Variants in USP36 observed in about 807,000 individuals in gnomAD.
USP36 encodes the protein ubiquitin specific peptidase 36, also known as ubiquitin carboxyl-terminal hydrolase 36.
Under a neutral mutation model 111.5 loss-of-function variants are expected in USP36, and 59 were observed. The observed-to-expected ratio is 0.53, with a 90% CI of 0.43 to 0.66. The LOEUF (loss-of-function observed/expected upper bound fraction) is 0.66. Among genes scored for constraint, USP36 ranks in the 30% least tolerant of loss-of-function variants. The pLI is 0.00. For synonymous variants in USP36, 628 were observed against 581.0 expected, an observed-to-expected ratio of 1.08 and a Z score of -1.16; for missense variants, 1,488 against 1,468.0, an observed-to-expected ratio of 1.01 and a Z score of -0.22.
intron 14 of USP36, among the ~76,000 whole-genome samples, chr17:78,806,615 C>A (rs2093909073): frequency 6.6e-6 from 1 of 152,196 alleles, no homozygotes; most frequent in Admixed American, 6.5e-5. Context: ...TTCCTGCCCG[C>A]CCCACCCCTG....
upstream of USP36, chr17:78,841,260 C>T (rs1393979501): frequency 2.0e-5 from 3 of 152,376 alleles, no homozygotes; most frequent in East Asian, 3.9e-4. Context: ...GGCTCCCCCA[C>T]CTGCCCCTGG....
In USP36 at chr17:78,798,531, A is replaced by G. The variant is rs369584125; in HGVS notation, c.3261T>C (p.Phe1087=). The G allele has an allele frequency of 6.2e-7, 1 of 1,613,930 alleles. No homozygotes were observed. Among genetic ancestry groups the G allele is most frequent in the South Asian group, 1.1e-5 (1 of 91,026 alleles). ...DRGKEKKIKK[F]KREKRRNFNA... is the part of the protein sequence containing the mutation. ...TGAAGTTTCTCCTCTTCTCTCTCTT[A>G]AATTTTTTAATTTTCTTTTCCTAGA... is the stretch of plus-strand genomic sequence containing the variant. The change falls in exon 20 of 21, where the codon TTT becomes TTC. Residue 1087 remains phenylalanine, a synonymous_variant. Transcript: ENST00000449938. The surrounding 1 kb of genome is among the most constrained non-coding windows in gnomAD (Gnocchi z 5.1).
At chr17:78,804,071 TAAAAATCTGA>T in intron 15 of USP36, 93 bp from the exon 16 acceptor site, 1 of 940,764 alleles carries the variant, frequency 1.1e-6, no homozygotes, top group Non-Finnish European at 1.6e-6. Context: ...CCCTTTCACC[TAAAAATCTGA>T]AAAGGCTTTT....
intron 2 of USP36, 34 bp from the exon 3 acceptor site, chr17:78,836,406 T>C (rs1176735507): frequency 6.3e-7 from 1 of 1,597,880 alleles, no homozygotes; most frequent in African/African-American, 1.3e-5. Context: ...GAGCCATAGA[T>C]AACGAAATCC....
chr17:78,803,819 C>G lies in USP36; in HGVS notation c.2376G>C (p.Val792=). The change falls in exon 16 of 21, where the codon GTG becomes GTC. Residue 792 remains valine, a synonymous_variant. Transcript: ENST00000449938. The surrounding 1 kb of genome is among the most constrained non-coding windows in gnomAD (Gnocchi z 4.6). The part of the protein sequence containing the change: ...TALPQVNEDL[V]SLPHQLPEAS... Reference sequence around the variant, plus strand: ...CCTCTGGCAACTGGTGTGGAAGAGACACAAGGTCCTCGTTGACCTGAGGCA... The same window carrying G: ...CCTCTGGCAACTGGTGTGGAAGAGAGACAAGGTCCTCGTTGACCTGAGGCA... The G allele has an allele frequency of 6.2e-7, 1 of 1,612,782 alleles. No individual in the cohort carries two copies. Among genetic ancestry groups the G allele is most frequent in the Non-Finnish European group, 8.5e-7 (1 of 1,180,012 alleles).
At chr17:78,821,416 A>ATTTTTTT (rs2094325674) in intron 7 of USP36, 1 of 51,820 alleles carries the variant, frequency 1.9e-5, no homozygotes, top group African/African-American at 9.9e-5. Context: ...ATATATATAT[A>ATTTTTTT]TATATTTTTT....
intron 1 of USP36, among the ~76,000 whole-genome samples, chr17:78,839,855 C>G (rs973348256): frequency 1.2e-4 from 19 of 152,358 alleles, no homozygotes; most frequent in African/African-American, 4.3e-4. Context: ...AGGATGCTCT[C>G]TCTTGTCCAA....
intron 10 of USP36, among the ~76,000 whole-genome samples, chr17:78,816,479 A>G (rs2094192464): frequency 1.3e-5 from 2 of 152,062 alleles, no homozygotes; most frequent in Admixed American, 1.3e-4. Flanking sequence ...TACAAAATTT[A>G]GCCAAGCATG....
chr17:78,812,840 T>C lies in USP36; in HGVS notation c.1407+20A>G. The C allele has an allele frequency of 6.2e-7, 1 of 1,611,330 alleles. No homozygotes were observed. The highest frequency in any genetic ancestry group is 8.5e-7 in the Non-Finnish European group (1 of 1,178,926). Reference sequence around the variant, plus strand: ...AGCACCAAGACCAGCCACTTTGGCCTCCATCATTCTCACAAATACCTTTCC... The same window carrying C: ...AGCACCAAGACCAGCCACTTTGGCCCCCATCATTCTCACAAATACCTTTCC... On this transcript the variant is annotated intron_variant, in intron 13 of 20. Coordinates refer to ENST00000449938, the MANE Select transcript of USP36 (RefSeq NM_001385174.1).
intron 13 of USP36, among the ~76,000 whole-genome samples, chr17:78,810,956 C>T (rs1230053225): frequency 1.3e-5 from 2 of 151,588 alleles, no homozygotes; most frequent in Non-Finnish European, 2.9e-5. Flanking sequence ...TCTACTAAAA[C>T]TACAAAAATT....
intron 1 of USP36, among the ~76,000 whole-genome samples, chr17:78,839,852 T>G (rs1013502449): frequency 5.3e-5 from 8 of 152,140 alleles, no homozygotes; most frequent in African/African-American, 1.7e-4. Flanking sequence ...GGAAGGATGC[T>G]CTCTCTTGTC....
intron 4 of USP36, among the ~76,000 whole-genome samples, chr17:78,834,532 C>T (rs2068465755): frequency 6.6e-6 from 1 of 152,014 alleles, no homozygotes; most frequent in African/African-American, 2.4e-5. Flanking sequence ...CTGCAACCTC[C>T]ACCTTCTGGG....
At chr17:78,821,144 C>G in intron 7 of USP36, 83 bp from the exon 8 acceptor site, 1 of 1,363,268 alleles carries the variant, frequency 7.3e-7, no homozygotes, top group Non-Finnish European at 1.0e-6. Context: ...AGCAGGGAGG[C>G]AGACTCTCAG....
intron 13 of USP36, among the ~76,000 whole-genome samples, chr17:78,808,501 C>A (rs1160471846): frequency 6.6e-6 from 1 of 152,198 alleles, no homozygotes; most frequent in Non-Finnish European, 1.5e-5. Context: ...TCCTCCCACC[C>A]TGGCCTCTCA....
chr17:78,793,538 G>A (rs559619217), downstream of USP36, among the ~76,000 whole-genome samples: 21 of 152,236 alleles, frequency 1.4e-4, no homozygotes, highest in Non-Finnish European at 2.4e-4. Flanking sequence ...GGCCACCTCC[G>A]GGCAAGAGTG....
downstream of USP36, among the ~76,000 whole-genome samples, chr17:78,792,963 G>A (rs1370725567): frequency 2.0e-5 from 3 of 152,034 alleles, no homozygotes; most frequent in East Asian, 1.9e-4. Context: ...TGATCCGCCC[G>A]CCTCAGCCTC....
rs1338957363 is a variant in USP36 at position 78,807,161 on chromosome 17, TG to T, written c.1882del (p.Gln628ArgfsTer36). Reference protein sequence around the residue: ...SASSDSTKAPQTPRSGAAHLC... With the variant: ...SASSDSTKAPXTPRSGAAHLC... Reference sequence around the variant, plus strand: ...ATGGGCCGCTCCACTCCTGGGGGTCTGGGGGGCCTTGGTGGAGTCGCTGCTG... The same window carrying T: ...ATGGGCCGCTCCACTCCTGGGGGTCTGGGGGCCTTGGTGGAGTCGCTGCTG... On this transcript the variant is annotated frameshift_variant, in exon 14 of 21. Transcript: ENST00000449938. LOFTEE classifies it high-confidence loss of function. 2 of 1,614,160 alleles carry T rather than the reference TG, an allele frequency of 1.2e-6. No homozygotes were observed. The highest frequency in any genetic ancestry group is 2.2e-5 in the East Asian group (1 of 44,876).
intron 4 of USP36, among the ~76,000 whole-genome samples, chr17:78,834,279 T>C (rs540048371): frequency 3.9e-5 from 6 of 151,998 alleles, no homozygotes; most frequent in Admixed American, 3.3e-4. Flanking sequence ...ACATTGTCTC[T>C]GCTTGGGGTT....
chr17:78,836,721 G>A (rs1383637070), intron 2 of USP36, among the ~76,000 whole-genome samples: 3 of 151,898 alleles, frequency 2.0e-5, no homozygotes, highest in Non-Finnish European at 4.4e-5. Context: ...CCTTCCAAAG[G>A]TCATCACGTG....
Sources: allele counts gnomAD v4.1 joint callset (sites outside exome capture counted in the v4.1 genomes callset), GRCh38; gene constraint gnomAD v4.1.1; non-coding constraint Gnocchi (gnomAD v3.1); transcripts MANE v1.5; gene names NCBI Gene and HGNC (gene_info 2026-07-23, HGNC 2026-07-21).